Variants in PDE12 observed in about 807,000 individuals in gnomAD.
PDE12 encodes 2',5'-phosphodiesterase 12.
Under a neutral mutation model 45.4 loss-of-function variants are expected in PDE12, and 26 were observed. The ratio of observed to expected loss-of-function variants is 0.57; its 90% CI spans 0.42 to 0.79. The LOEUF (loss-of-function observed/expected upper bound fraction) is 0.79, where lower values mean the gene tolerates loss of function less well. PDE12 is among the 30% of genes least tolerant of loss of function. The pLI is 0.00. For synonymous variants in PDE12, 283 were observed against 323.9 expected, an observed-to-expected ratio of 0.87 and a Z score of 1.36; for missense variants, 668 against 790.0, an observed-to-expected ratio of 0.85 and a Z score of 1.85.
At position 57,561,330 on chromosome 3, in the gene PDE12, G is replaced by A; in HGVS notation, c.*1326G>A. 2.0e-6 allele frequency: 2 copies of A among 984,958 alleles called. No homozygotes were observed. The highest frequency in any genetic ancestry group is 2.4e-6 in the Non-Finnish European group (2 of 829,178). The allele number at this position is 984,958 out of a possible 1,614,324, so 61.0% of individuals were successfully genotyped here. On this transcript the variant is annotated 3_prime_UTR_variant, in exon 3 of 3. Transcript: ENST00000311180. ...GGTTTTTATAAACAGGAAAAAGGTTGAGTAGTGGGACTTTTAAGCATCTCT... is the reference window on the plus strand; with the variant it reads ...GGTTTTTATAAACAGGAAAAAGGTTAAGTAGTGGGACTTTTAAGCATCTCT...
At chr3:57,603,460 C>G in the PDE12 span, among the ~76,000 whole-genome samples, 1 of 151,910 alleles carries the variant, frequency 6.6e-6, no homozygotes, top group Non-Finnish European at 1.5e-5. Flanking sequence ...GCCTCAGCCT[C>G]AAGAGTAGCT....
At chr3:57,617,556 C>T in the PDE12 span, among the ~76,000 whole-genome samples, 13 of 152,018 alleles carry the variant, frequency 8.6e-5, no homozygotes, top group African/African-American at 1.2e-4. Context: ...TGGAATCCAC[C>T]CAGGTGCCCA....
chr3:57,577,372 C>A, the PDE12 span: 1 of 1,611,532 alleles, frequency 6.2e-7, no homozygotes. Context: ...TTGCTATCTA[C>A]CACAAAAATA....
the PDE12 span, chr3:57,625,920 G>C: frequency 6.6e-6 from 1 of 152,476 alleles, no homozygotes; most frequent in Non-Finnish European, 1.5e-5. Context: ...AAAGATCCTT[G>C]ATATGACACC....
chr3:57,618,081 C>G, the PDE12 span, among the ~76,000 whole-genome samples: 1 of 152,062 alleles, frequency 6.6e-6, no homozygotes, highest in Non-Finnish European at 1.5e-5. Context: ...GAACTAAACA[C>G]TGGGTACACA....
the PDE12 span, among the ~76,000 whole-genome samples, chr3:57,624,172 G>A: frequency 4.0e-5 from 6 of 150,424 alleles, 1 homozygote; most frequent in South Asian, 1.1e-3. Flanking sequence ...TTTTTTTGAG[G>A]CGGAGTCTCG....
At chr3:57,639,751 G>T in the PDE12 span, among the ~76,000 whole-genome samples, 1 of 151,940 alleles carries the variant, frequency 6.6e-6, no homozygotes, top group Non-Finnish European at 1.5e-5. Flanking sequence ...ACACAGTTCT[G>T]ATTGCCAAGA....
chr3:57,562,043 TC>T lies in PDE12; in HGVS notation c.*2040del, dbSNP rs2069733852. ...TAATAGATTAAAACCAAATCTTGAT[TC>T]TCTTGTGAATTTTTTTTTCATTTTA... is the stretch of plus-strand genomic sequence containing the variant. On this transcript the variant is annotated 3_prime_UTR_variant, in exon 3 of 3. Coordinates refer to ENST00000311180, the MANE Select transcript of PDE12 (RefSeq NM_177966.7). 3.1e-6 allele frequency: 3 copies of T among 980,496 alleles called. No individual in the cohort carries two copies. Among genetic ancestry groups the T allele is most frequent in the Non-Finnish European group, 3.6e-6 (3 of 825,430 alleles). 60.7% of individuals were successfully genotyped at this position (980,496 alleles called of 1,614,324 possible).
At chr3:57,570,219 G>GTTTTT (rs34599005), downstream of PDE12, among the ~76,000 whole-genome samples, 3,457 of 102,200 alleles carry the variant, frequency 0.034, 258 homozygotes, top group African/African-American at 0.066. Flanking sequence ...TTAATCCAGT[G>GTTTTT]TTTTTTTTTT....
the PDE12 span, among the ~76,000 whole-genome samples, chr3:57,645,292 C>T: frequency 6.6e-6 from 1 of 151,880 alleles, no homozygotes; most frequent in Non-Finnish European, 1.5e-5. Flanking sequence ...GAAACCCTGT[C>T]TCTACTAAAA....
At chr3:57,628,143 G>C in the PDE12 span, 1 of 1,556,202 alleles carries the variant, frequency 6.4e-7, no homozygotes, top group Admixed American at 1.9e-5. Context: ...GATCTCCTTT[G>C]TGCGTCTGGT....
At chr3:57,577,817 C>T in the PDE12 span, among the ~76,000 whole-genome samples, 7 of 151,664 alleles carry the variant, frequency 4.6e-5, no homozygotes, top group Admixed American at 1.3e-4. Flanking sequence ...CTGAGGCAAA[C>T]GATCAGGCCT....
the PDE12 span, among the ~76,000 whole-genome samples, chr3:57,576,301 TG>T: frequency 1.6e-4 from 24 of 152,216 alleles, no homozygotes; most frequent in South Asian, 4.1e-4. Flanking sequence ...GACAAATTAG[TG>T]GCTGTCAGAG....
rs1320943051 is a variant in PDE12, at chr3:57,559,636, G to T, written c.1462G>T (p.Gly488Cys). ...ACATGTTTCATGTGATCTGTATCCTGGCATACCAGTTATATTTTGTGGGGA... is the reference window on the plus strand; with the variant it reads ...ACATGTTTCATGTGATCTGTATCCTTGCATACCAGTTATATTTTGTGGGGA... ...IRHVSCDLYP[G>C]IPVIFCGDFN... The change falls in exon 3 of 3, where the codon GGC becomes TGC. Residue 488 changes from glycine (G) to cysteine (C), a missense_variant. Around this residue, in one of 3 missense-constraint regions of PDE12, gnomAD observed 580 missense variants for 662.9 expected, o/e 0.87. Coordinates refer to ENST00000311180, the MANE Select transcript of PDE12 (RefSeq NM_177966.7). 1 of 1,614,118 alleles carries T rather than the reference G, an allele frequency of 6.2e-7. No homozygotes were observed. Among genetic ancestry groups the T allele is most frequent in the Non-Finnish European group, 8.5e-7 (1 of 1,180,016 alleles).
Position 57,557,338 on chromosome 3 carries a change from A to T in PDE12, c.959A>T (p.Tyr320Phe). Reference protein sequence around the residue: ...TEFSRTVLYPYCAPYALELDY... With the variant: ...TEFSRTVLYPFCAPYALELDY... The stretch of plus-strand genomic sequence containing the variant: ...TTCTCGCGAACGGTTCTGTACCCAT[A>T]CTGTGCCCCCTACGCCCTGGAGCTC... Residue 320 changes from tyrosine (Y) to phenylalanine (F), a missense_variant, in exon 1 of 3, where the codon TAC becomes TTC. Around this residue, in one of 3 missense-constraint regions of PDE12, gnomAD observed 580 missense variants for 662.9 expected, o/e 0.87. Coordinates refer to ENST00000311180, the MANE Select transcript of PDE12 (RefSeq NM_177966.7). 1 of 1,613,860 alleles carries T rather than the reference A, an allele frequency of 6.2e-7. No homozygotes were observed. Among genetic ancestry groups the T allele is most frequent in the Non-Finnish European group, 8.5e-7 (1 of 1,180,000 alleles).
the PDE12 span, among the ~76,000 whole-genome samples, chr3:57,572,702 C>G: frequency 2.0e-5 from 3 of 151,880 alleles, no homozygotes; most frequent in Non-Finnish European, 4.4e-5. Flanking sequence ...TCTACCTATT[C>G]ATTATATTTA....
At chr3:57,636,323 CCAGTAATAATTTTAAA>C in the PDE12 span, among the ~76,000 whole-genome samples, 14 of 151,914 alleles carry the variant, frequency 9.2e-5, no homozygotes, top group Non-Finnish European at 1.9e-4. Context: ...GTCAACTGTC[CCAGTAATAATTTTAAA>C]CAGATACTTG....
At position 57,557,293 on chromosome 3, in the gene PDE12, A is replaced by G; in HGVS notation, c.914A>G (p.Asp305Gly). The G allele has an allele frequency of 6.2e-7, 1 of 1,613,910 alleles. No individual in the cohort carries two copies. The highest frequency in any genetic ancestry group is 8.5e-7 in the Non-Finnish European group (1 of 1,180,014). Residue 305 changes from aspartate to glycine, a missense_variant, in exon 1 of 3, where the codon GAC (aspartate) becomes GGC (glycine). Coordinates refer to ENST00000311180, the MANE Select transcript of PDE12 (RefSeq NM_177966.7). ...ACTGTCTCTTACAACATCCTGGCAG[A>G]CACGTACGCGCAGACTGAGTTCTCG... ...IRTVSYNILA[D>G]TYAQTEFSRT...
At chr3:57,654,892 G>T in the PDE12 span, 45 of 691,336 alleles carry the variant, frequency 6.5e-5, no homozygotes, top group Middle Eastern at 2.9e-3. Flanking sequence ...TAATAAACGT[G>T]AAATGTAAGC....
Sources: gnomAD v4.1 joint callset for allele counts (sites outside exome capture counted in the v4.1 genomes callset) on GRCh38, gnomAD v4.1.1 for gene constraint, gnomAD v4.1.1 regional missense constraint, MANE v1.5 for transcripts, NCBI Gene and HGNC (gene_info 2026-07-23, HGNC 2026-07-21) for gene names.